Variants in RAB31 observed in about 807,000 individuals in gnomAD.
RAB31 encodes RAB31, member RAS oncogene family, also known as ras-related protein Rab-31.
RAB31 carries 21 observed loss-of-function variants against 25.6 expected under a neutral mutation model. The observed-to-expected ratio is 0.82, with a 90% confidence interval of 0.58 to 1.18. RAB31 has a LOEUF of 1.18. RAB31 is among the 50% of genes most tolerant of loss of function. The probability of loss-of-function intolerance (pLI) is 0.00; values close to 1 mark genes in which losing one functional copy is unlikely to be tolerated. For missense variants in RAB31, 196 were observed against 250.1 expected (o/e 0.78, Z 1.46); for synonymous variants, 87 against 84.0 (o/e 1.04, Z -0.20).
chr18:9,721,328 C>T (rs968582692), intron 1 of RAB31, among the ~76,000 whole-genome samples: 2 of 152,108 alleles, frequency 1.3e-5, no homozygotes, highest in South Asian at 2.1e-4. Flanking sequence ...TAATTGGGGT[C>T]GACCGGGGAC....
At chr18:9,743,003 G>A (rs967058705) in intron 1 of RAB31, among the ~76,000 whole-genome samples, 1 of 152,192 alleles carries the variant, frequency 6.6e-6, no homozygotes, top group Non-Finnish European at 1.5e-5. Context: ...ACATGTTGAT[G>A]TTCTCGGACT....
chr18:9,840,396 AG>A (rs1339057002), intron 5 of RAB31, among the ~76,000 whole-genome samples: 1 of 152,148 alleles, frequency 6.6e-6, no homozygotes, highest in East Asian at 1.9e-4. Context: ...AATAAACAAA[AG>A]TCACGGGATG....
At chr18:9,780,358 A>G (rs2068396242) in intron 2 of RAB31, among the ~76,000 whole-genome samples, 1 of 152,006 alleles carries the variant, frequency 6.6e-6, no homozygotes, top group African/African-American at 2.4e-5. Flanking sequence ...ATTTTTTCTG[A>G]TTATAAAAGT....
chr18:9,830,114 C>T (rs2068669996), intron 5 of RAB31, among the ~76,000 whole-genome samples: 1 of 151,774 alleles, frequency 6.6e-6, no homozygotes, highest in Non-Finnish European at 1.5e-5. Flanking sequence ...AATCCTCCTG[C>T]CTCAGCCTCT....
intron 2 of RAB31, among the ~76,000 whole-genome samples, chr18:9,783,369 G>T (rs1041150073): frequency 2.0e-5 from 3 of 152,148 alleles, no homozygotes; most frequent in African/African-American, 4.8e-5. Context: ...CTGGGATTTT[G>T]GTTCCCCCCC....
chr18:9,744,992 A>G (rs901564409), intron 1 of RAB31, among the ~76,000 whole-genome samples: 3 of 152,194 alleles, frequency 2.0e-5, no homozygotes, highest in African/African-American at 4.8e-5. Flanking sequence ...GAATAGAAAA[A>G]TAATAGGGAA....
chr18:9,812,443 T>G (rs1251186660), intron 3 of RAB31, among the ~76,000 whole-genome samples: 1 of 152,170 alleles, frequency 6.6e-6, no homozygotes, highest in Admixed American at 6.5e-5. Context: ...ACATTCCATG[T>G]AGAGTATGTG....
At chr18:9,776,192 T>C (rs756577404) in intron 2 of RAB31, among the ~76,000 whole-genome samples, 3 of 152,222 alleles carry the variant, frequency 2.0e-5, no homozygotes, top group Non-Finnish European at 2.9e-5. Context: ...AAAATTGTTT[T>C]CCTGTTCATC....
chr18:9,758,381 CA>C (rs1290162249), intron 1 of RAB31, among the ~76,000 whole-genome samples: 1 of 151,982 alleles, frequency 6.6e-6, no homozygotes, highest in Non-Finnish European at 1.5e-5. Context: ...GGAAAAGCCC[CA>C]AATGTCTGAC....
chr18:9,831,826 A>G (rs2143109035), intron 5 of RAB31, among the ~76,000 whole-genome samples: 1 of 152,338 alleles, frequency 6.6e-6, no homozygotes, highest in Admixed American at 6.5e-5. Flanking sequence ...CCTGCAGCCC[A>G]TGCTGGTCTA....
chr18:9,829,190 C>G (rs2068665017), intron 5 of RAB31, among the ~76,000 whole-genome samples: 1 of 152,212 alleles, frequency 6.6e-6, no homozygotes, highest in Non-Finnish European at 1.5e-5. Flanking sequence ...ATCCTCTTCT[C>G]TCCACCCAGA....
At position 9,775,314 on chromosome 18, in the gene RAB31, T is replaced by C. The variant is rs200518143; in HGVS notation, c.76T>C (p.Phe26Leu). 3 of 1,613,910 alleles carry C rather than the reference T, an allele frequency of 1.9e-6. No individual in the cohort carries two copies. Among genetic ancestry groups the C allele is most frequent in the Non-Finnish European group, 2.5e-6 (3 of 1,179,828 alleles). The change falls in exon 2 of 7, where the codon TTT becomes CTT. Residue 26 changes from phenylalanine to leucine, a missense_variant. Physicochemically the swap from Phe to Leu is conservative, Grantham distance 22. Coordinates refer to ENST00000578921, the MANE Select transcript of RAB31 (RefSeq NM_006868.4). ...TGGGAAATCAAGCATCGTGTGTCGATTTGTCCAGGATCACTTTGACCACAA... is the reference window on the plus strand; with the variant it reads ...TGGGAAATCAAGCATCGTGTGTCGACTTGTCCAGGATCACTTTGACCACAA... ...GVGKSSIVCR[F>L]VQDHFDHNIS...
chr18:9,854,718 A>C (rs576781720), intron 6 of RAB31, among the ~76,000 whole-genome samples: 2 of 152,292 alleles, frequency 1.3e-5, no homozygotes, highest in South Asian at 2.1e-4. Flanking sequence ...TTCAAGTAGC[A>C]TGTGTGTGTC....
At chr18:9,781,129 G>T (rs1178624666) in intron 2 of RAB31, among the ~76,000 whole-genome samples, 1 of 150,550 alleles carries the variant, frequency 6.6e-6, no homozygotes, top group Admixed American at 6.7e-5. Flanking sequence ...TTTCGGAAAG[G>T]TTATCTCTGT....
chr18:9,810,084 T>C (rs1378623277), intron 3 of RAB31, among the ~76,000 whole-genome samples: 1 of 152,256 alleles, frequency 6.6e-6, no homozygotes, highest in Non-Finnish European at 1.5e-5. Flanking sequence ...CACTGGGTTT[T>C]CACAGTTCCC....
chr18:9,774,000 A>G (rs908019431), intron 1 of RAB31, among the ~76,000 whole-genome samples: 3 of 152,136 alleles, frequency 2.0e-5, no homozygotes, highest in Admixed American at 6.6e-5. Flanking sequence ...ATTCTCAACG[A>G]TCTTTTAAAA....
At chr18:9,718,090 G>A (rs762898582) in intron 1 of RAB31, among the ~76,000 whole-genome samples, 4 of 151,920 alleles carry the variant, frequency 2.6e-5, no homozygotes, top group Non-Finnish European at 5.9e-5. Flanking sequence ...TAGAGATGGG[G>A]CTTGCCACGT....
chr18:9,795,398 A>G (rs1173840350), intron 3 of RAB31, among the ~76,000 whole-genome samples: 1 of 152,222 alleles, frequency 6.6e-6, no homozygotes, highest in Non-Finnish European at 1.5e-5. Flanking sequence ...ACTTAATTAA[A>G]CTAAAAAGCT....
chr18:9,845,239 T>A (rs1388460341), intron 5 of RAB31, among the ~76,000 whole-genome samples: 1 of 152,230 alleles, frequency 6.6e-6, no homozygotes, highest in Non-Finnish European at 1.5e-5. Flanking sequence ...TTTTTAATAT[T>A]GAGTCATGTA....
Sources: allele counts gnomAD v4.1 joint callset (sites outside exome capture counted in the v4.1 genomes callset), GRCh38; gene constraint gnomAD v4.1.1; transcripts MANE v1.5; gene names NCBI Gene and HGNC (gene_info 2026-07-23, HGNC 2026-07-21).